Variants in ARRB1 observed in about 807,000 individuals in gnomAD.
The protein encoded by ARRB1 is arrestin beta 1.
ARRB1 carries 21 observed loss-of-function variants against 56.8 expected under a neutral mutation model. The ratio of observed to expected loss-of-function variants is 0.37; its 90% CI spans 0.26 to 0.53. The LOEUF is 0.53. Among genes scored for constraint, ARRB1 ranks in the 20% least tolerant of loss-of-function variants. The probability of loss-of-function intolerance (pLI) is 0.88; values close to 1 mark genes in which losing one functional copy is unlikely to be tolerated. For synonymous variants in ARRB1, 210 were observed against 218.6 expected (o/e 0.96, Z 0.35); for missense variants, 424 against 553.7 (o/e 0.77, Z 2.35).
At chr11:75,346,361 CA>C (rs1000445502) in intron 1 of ARRB1, among the ~76,000 whole-genome samples, 1 of 152,154 alleles carries the variant, frequency 6.6e-6, no homozygotes, top group Admixed American at 6.5e-5. Flanking sequence ...GAGCACAGGG[CA>C]GTGGTCTTCT....
chr11:75,269,437 G>A (rs1397804009), intron 13 of ARRB1, among the ~76,000 whole-genome samples: 2 of 152,190 alleles, frequency 1.3e-5, no homozygotes, highest in Non-Finnish European at 2.9e-5. Context: ...AAAGTGCTCA[G>A]GTGACCCTAG....
intron 1 of ARRB1, among the ~76,000 whole-genome samples, chr11:75,316,784 T>C (rs1947272969): frequency 6.6e-6 from 1 of 151,948 alleles, no homozygotes; most frequent in Non-Finnish European, 1.5e-5. Flanking sequence ...AAAAAAATAA[T>C]AGGCCAGGTG....
At chr11:75,285,051 C>T (rs1325314891) in intron 3 of ARRB1, among the ~76,000 whole-genome samples, 1 of 152,186 alleles carries the variant, frequency 6.6e-6, no homozygotes, top group African/African-American at 2.4e-5. Flanking sequence ...CTAAATAAGG[C>T]ATAAATAGCC....
chr11:75,291,313 G>A (rs899828663), intron 1 of ARRB1, among the ~76,000 whole-genome samples: 3 of 152,142 alleles, frequency 2.0e-5, no homozygotes, highest in African/African-American at 4.8e-5. Flanking sequence ...CAGCCTGGGC[G>A]ACAGAGCAAG....
chr11:75,340,975 C>G (rs1947684769), intron 1 of ARRB1, among the ~76,000 whole-genome samples: 1 of 152,168 alleles, frequency 6.6e-6, no homozygotes. Context: ...TTCCTTGGAG[C>G]TTCTCCGCTG....
At chr11:75,294,481 A>G (rs1946680224) in intron 1 of ARRB1, among the ~76,000 whole-genome samples, 1 of 151,982 alleles carries the variant, frequency 6.6e-6, no homozygotes, top group African/African-American at 2.4e-5. Context: ...CGCTTCAACC[A>G]GGGAGGCGGA....
intron 1 of ARRB1, among the ~76,000 whole-genome samples, chr11:75,333,491 G>A (rs1317092579): frequency 6.6e-6 from 1 of 152,172 alleles, no homozygotes; most frequent in Non-Finnish European, 1.5e-5. Context: ...ACCCAACTGG[G>A]GGCACAGACA....
chr11:75,332,257 T>C (rs1480383662), intron 1 of ARRB1, among the ~76,000 whole-genome samples: 2 of 152,182 alleles, frequency 1.3e-5, no homozygotes, highest in East Asian at 3.8e-4. Context: ...AATTGCGAGA[T>C]AAGGAAGAAA....
intron 10 of ARRB1, 82 bp downstream of exon 10, chr11:75,276,757 C>T (rs1946209004): frequency 6.9e-7 from 1 of 1,444,552 alleles, no homozygotes; most frequent in Non-Finnish European, 9.6e-7. Context: ...GAAGAGCCAC[C>T]TGGACCTGTA....
intron 1 of ARRB1, among the ~76,000 whole-genome samples, chr11:75,334,392 C>T (rs146434042): frequency 1.3e-5 from 2 of 151,706 alleles, no homozygotes; most frequent in East Asian, 1.9e-4. Context: ...TAACCACTTT[C>T]ACCCTCTTGA....
chr11:75,272,689 G>T (rs546649816), intron 12 of ARRB1: 202 of 574,614 alleles, frequency 3.5e-4, no homozygotes, highest in Admixed American at 8.1e-4. Flanking sequence ...GGTAAGAGAG[G>T]GGCTGAGGGC....
chr11:75,287,297 C>T lies in ARRB1; in HGVS notation c.112+18G>A, dbSNP rs1374969888. The T allele has an allele frequency of 2.6e-6, 4 of 1,549,406 alleles. No individual in the cohort carries two copies. Among genetic ancestry groups the T allele is most frequent in the Non-Finnish European group, 3.5e-6 (4 of 1,145,476 alleles). On this transcript the variant is annotated intron_variant, in intron 3 of 15. Coordinates refer to ENST00000420843, the MANE Select transcript of ARRB1 (RefSeq NM_004041.5). The stretch of plus-strand genomic sequence containing the variant: ...CCACATCTTCCCCCAGCCCTCCTCT[C>T]GCCCTCCAGGGACTCACCCACAGGG...
At chr11:75,282,397 A>G (rs1463452333) in intron 5 of ARRB1, among the ~76,000 whole-genome samples, 1 of 152,164 alleles carries the variant, frequency 6.6e-6, no homozygotes, top group African/African-American at 2.4e-5. Flanking sequence ...CGTATCCTGG[A>G]TGATTTTGGT....
rs185129408 is a variant in ARRB1, at chr11:75,316,768, T to A, written c.21-26729A>T. Among the ~76,000 whole-genome samples the A allele has an allele frequency of 3.3e-5, 5 of 152,068 alleles. No homozygotes were observed. In the East Asian group the frequency reaches 7.7e-4, roughly 24 times the overall value. ...TTATCTCTTTAAAAAAATTTTTTTT[T>A]AATTAAAAAAAATAATAGGCCAGGT... is the stretch of plus-strand genomic sequence containing the variant. On this transcript the variant is annotated intron_variant, in intron 1 of 15. Transcript: ENST00000420843.
At chr11:75,292,952 T>C (rs1488079204) in intron 1 of ARRB1, among the ~76,000 whole-genome samples, 1 of 152,152 alleles carries the variant, frequency 6.6e-6, no homozygotes, top group Non-Finnish European at 1.5e-5. Context: ...CAATTCTATC[T>C]GCTTGCCTCC....
chr11:75,311,484 T>A (rs1449449046), intron 1 of ARRB1, among the ~76,000 whole-genome samples: 2 of 151,326 alleles, frequency 1.3e-5, no homozygotes, highest in Non-Finnish European at 2.9e-5. Flanking sequence ...CAATGAAGAG[T>A]TTGTCAGATT....
At chr11:75,289,705 T>A (rs1946560289) in intron 2 of ARRB1, among the ~76,000 whole-genome samples, 1 of 152,196 alleles carries the variant, frequency 6.6e-6, no homozygotes, top group African/African-American at 2.4e-5. Flanking sequence ...CGGCGCTTAC[T>A]GGTTGGCTTG....
rs1201510118 is a variant in ARRB1 at position 75,263,587 on chromosome 11, G to A, written c.*2576C>T. ...GCCCTCTATTACTTATCCCTACAAC[G>A]TTTCCCTGACCATGGGCTTCCTGAG... On this transcript the variant is annotated 3_prime_UTR_variant, in exon 16 of 16. Coordinates refer to ENST00000420843, the MANE Select transcript of ARRB1 (RefSeq NM_004041.5). 6.6e-6 allele frequency among the ~76,000 whole-genome samples: 1 copy of A among 152,152 alleles called. No homozygotes were observed. Among genetic ancestry groups the A allele is most frequent in the African/African-American group, 2.4e-5 (1 of 41,432 alleles).
At chr11:75,289,144 C>T (rs768595569) in intron 2 of ARRB1, among the ~76,000 whole-genome samples, 1 of 152,150 alleles carries the variant, frequency 6.6e-6, no homozygotes. Context: ...TGGAAGCACA[C>T]GTGGTGCTAT....
Sources: gnomAD v4.1 joint callset for allele counts (sites outside exome capture counted in the v4.1 genomes callset) on GRCh38, gnomAD v4.1.1 for gene constraint, MANE v1.5 for transcripts, NCBI Gene and HGNC (gene_info 2026-07-23, HGNC 2026-07-21) for gene names.